Variants in ANAPC10 observed in about 807,000 individuals in gnomAD.
ANAPC10 encodes anaphase promoting complex subunit 10.
In ANAPC10, 12 loss-of-function variants were observed where a neutral mutation model predicts 22.0. That is an observed-to-expected ratio of 0.55 (90% CI 0.35 to 0.88). The LOEUF (loss-of-function observed/expected upper bound fraction) is 0.88. Ranked by LOEUF, ANAPC10 falls within the 40% of genes least tolerant of loss-of-function variation. The probability of loss-of-function intolerance (pLI) is 0.01; values close to 1 mark genes in which losing one functional copy is unlikely to be tolerated. For synonymous variants in ANAPC10, 65 were observed against 69.5 expected (o/e 0.94, Z 0.32); for missense variants, 188 against 220.9 (o/e 0.85, Z 0.94).
At chr4:145,040,718 G>GT (rs1739382770) in intron 4 of ANAPC10, among the ~76,000 whole-genome samples, 1 of 151,998 alleles carries the variant, frequency 6.6e-6, no homozygotes, top group Non-Finnish European at 1.5e-5. Context: ...CATCACCGAA[G>GT]TAATAACCTT....
intron 2 of ANAPC10, among the ~76,000 whole-genome samples, chr4:145,089,352 T>G (rs1747341594): frequency 6.6e-6 from 1 of 152,134 alleles, no homozygotes; most frequent in Non-Finnish European, 1.5e-5. Context: ...CTGTAAGATG[T>G]TCACAAAATA....
chr4:145,035,951 A>G (rs955641914), intron 4 of ANAPC10, among the ~76,000 whole-genome samples: 1 of 152,204 alleles, frequency 6.6e-6, no homozygotes, highest in Non-Finnish European at 1.5e-5. Context: ...TGTTACCCAG[A>G]AAAAATGTGG....
chr4:145,027,617 G>C (rs1736955526), intron 4 of ANAPC10, among the ~76,000 whole-genome samples: 1 of 152,170 alleles, frequency 6.6e-6, no homozygotes, highest in Admixed American at 6.5e-5. Context: ...AAAGCTACTT[G>C]AGAGAAAAAT....
chr4:145,045,830 G>A (rs1223225887), intron 4 of ANAPC10, among the ~76,000 whole-genome samples: 2 of 152,064 alleles, frequency 1.3e-5, no homozygotes, highest in South Asian at 2.1e-4. Context: ...AATGCCATGG[G>A]TATCAAGGTA....
chr4:145,080,573 T>C (rs1452252506), intron 3 of ANAPC10, among the ~76,000 whole-genome samples: 2 of 152,100 alleles, frequency 1.3e-5, no homozygotes, highest in African/African-American at 4.8e-5. Context: ...TCTAGGACAA[T>C]AAAAGCAAAC....
intron 4 of ANAPC10, among the ~76,000 whole-genome samples, chr4:145,003,161 C>T (rs1265390620): frequency 6.6e-6 from 1 of 152,174 alleles, no homozygotes; most frequent in Non-Finnish European, 1.5e-5. Flanking sequence ...TACTGGCATC[C>T]AGCTCCATCC....
chr4:145,047,976 G>C (rs964925705), intron 4 of ANAPC10, among the ~76,000 whole-genome samples: 1 of 152,070 alleles, frequency 6.6e-6, no homozygotes, highest in Admixed American at 6.6e-5. Flanking sequence ...GCTATGATAA[G>C]AGGCAAATTA....
chr4:145,000,165 C>T (rs917326118), intron 4 of ANAPC10, among the ~76,000 whole-genome samples: 5 of 152,066 alleles, frequency 3.3e-5, no homozygotes, highest in Non-Finnish European at 7.4e-5. Context: ...TGTCTAAACA[C>T]CAAAAGCAGT....
intron 3 of ANAPC10, among the ~76,000 whole-genome samples, chr4:145,073,511 A>C (rs1744776559): frequency 6.6e-6 from 1 of 152,170 alleles, no homozygotes; most frequent in Admixed American, 6.5e-5. Context: ...ATTTGGCTTA[A>C]GCAATTTACA....
chr4:145,077,071 C>T, intron 3 of ANAPC10, among the ~76,000 whole-genome samples: 1 of 152,084 alleles, frequency 6.6e-6, no homozygotes, highest in East Asian at 1.9e-4. Context: ...TGGTGGCAGG[C>T]ACCTGTAGTC....
At chr4:145,046,978 T>C (rs1483716121) in intron 4 of ANAPC10, among the ~76,000 whole-genome samples, 2 of 152,130 alleles carry the variant, frequency 1.3e-5, no homozygotes, top group African/African-American at 4.8e-5. Flanking sequence ...CAGAGAAAAG[T>C]AGTATGGATG....
At chr4:145,071,155 C>T (rs1744431536) in intron 3 of ANAPC10, among the ~76,000 whole-genome samples, 1 of 152,112 alleles carries the variant, frequency 6.6e-6, no homozygotes, top group African/African-American at 2.4e-5. Context: ...GCCTGCAATC[C>T]CAACACTTTG....
chr4:145,066,594 A>C (rs1743724305), intron 3 of ANAPC10, among the ~76,000 whole-genome samples: 1 of 152,134 alleles, frequency 6.6e-6, no homozygotes, highest in African/African-American at 2.4e-5. Context: ...ACTGCCTTCA[A>C]GATGATCAGG....
chr4:145,067,033 C>T (rs1318730650), intron 3 of ANAPC10, among the ~76,000 whole-genome samples: 2 of 138,018 alleles, frequency 1.4e-5, no homozygotes, highest in East Asian at 2.0e-4. Context: ...AGAAATCGTA[C>T]GTATAATTTG....
intron 4 of ANAPC10, among the ~76,000 whole-genome samples, chr4:145,017,185 A>T (rs974316478): frequency 1.3e-5 from 2 of 152,188 alleles, no homozygotes; most frequent in Non-Finnish European, 2.9e-5. Context: ...TAAACAGGCA[A>T]CCTACAGAAT....
rs1733795956 is a variant in ANAPC10 at position 145,008,605 on chromosome 4, A to T, written c.328-13002T>A. ...AAAAACCACATGATTTTCTCAATAGATGCAGAAAAGGCCTTTGACAAAATT... is the reference window on the plus strand; with the variant it reads ...AAAAACCACATGATTTTCTCAATAGTTGCAGAAAAGGCCTTTGACAAAATT... On this transcript the variant is annotated intron_variant, in intron 4 of 4. Coordinates refer to ENST00000507656, the MANE Select transcript of ANAPC10 (RefSeq NM_001256706.2). Among the ~76,000 whole-genome samples, 3 of 152,230 alleles carry T rather than the reference A, an allele frequency of 2.0e-5. No individual in the cohort carries two copies. In the South Asian group the frequency reaches 6.2e-4, roughly 32 times the overall value.
intron 4 of ANAPC10, among the ~76,000 whole-genome samples, chr4:145,058,156 G>A (rs1384708752): frequency 6.6e-6 from 1 of 152,130 alleles, no homozygotes; most frequent in Non-Finnish European, 1.5e-5. Flanking sequence ...CACAATATAT[G>A]TGTTGAATGA....
At chr4:145,076,789 C>T (rs1443620359) in intron 3 of ANAPC10, among the ~76,000 whole-genome samples, 1 of 152,234 alleles carries the variant, frequency 6.6e-6, no homozygotes, top group Non-Finnish European at 1.5e-5. Flanking sequence ...AGCTGAAAAA[C>T]TCACTACAAG....
rs144570949 is a variant in ANAPC10 at position 145,055,519 on chromosome 4, C to G, written c.327+9053G>C. ...GTTGTAGTGAGCCAATATCACGTCA[C>G]TGCACTCCAGCCTGGGTGACAGAGC... On this transcript the variant is annotated intron_variant, in intron 4 of 4. Transcript: ENST00000507656. Among the ~76,000 whole-genome samples the G allele has an allele frequency of 4.4e-3, 667 of 151,926 alleles. 3 individuals carry two copies. The highest frequency in any genetic ancestry group is 0.015 in the African/African-American group (613 of 41,436).
Sources: gnomAD v4.1 joint callset for allele counts (sites outside exome capture counted in the v4.1 genomes callset) on GRCh38, gnomAD v4.1.1 for gene constraint, MANE v1.5 for transcripts, NCBI Gene and HGNC (gene_info 2026-07-23, HGNC 2026-07-21) for gene names.